The following XIRP2 variants were observed in gnomAD, a reference collection of about 807,000 sequenced individuals.
XIRP2 encodes xin actin-binding repeat-containing protein 2.
XIRP2 carries 236 observed loss-of-function variants against 277.0 expected under a neutral mutation model. The ratio of observed to expected loss-of-function variants is 0.85; its 90% CI spans 0.77 to 0.95. The LOEUF is 0.95. Ranked by LOEUF, XIRP2 falls within the 40% of genes least tolerant of loss-of-function variation. XIRP2 has a pLI of 0.00. For synonymous variants in XIRP2, 1,490 were observed against 1,416.5 expected, an observed-to-expected ratio of 1.05 and a Z score of -1.17; for missense variants, 4,640 against 4,157.5, an observed-to-expected ratio of 1.12 and a Z score of -3.19.
intron 4 of XIRP2, among the ~76,000 whole-genome samples, chr2:167,216,155 G>C (rs571241346): frequency 9.8e-4 from 108 of 109,756 alleles, no homozygotes; most frequent in Non-Finnish European, 1.7e-3. Context: ...AGATTTAAAC[G>C]TTAGACCTAA....
chr2:166,984,424 T>C (rs1686950392), intron 2 of XIRP2, among the ~76,000 whole-genome samples: 1 of 152,148 alleles, frequency 6.6e-6, no homozygotes, highest in South Asian at 2.1e-4. Context: ...AGTTAAAAAA[T>C]GAATTAAAGT....
intron 2 of XIRP2, among the ~76,000 whole-genome samples, chr2:167,106,417 T>A (rs1422825864): frequency 1.3e-5 from 2 of 151,796 alleles, no homozygotes; most frequent in African/African-American, 2.4e-5. Flanking sequence ...ACTGAAAAGG[T>A]TAAAAGTCGA....
chr2:167,007,703 TCACA>T (rs57336666), intron 2 of XIRP2, among the ~76,000 whole-genome samples: 33,141 of 129,176 alleles, frequency 0.26, 4,176 homozygotes, highest in African/African-American at 0.36. Context: ...TCTCTCTCTC[TCACA>T]CACACACACA....
intron 2 of XIRP2, among the ~76,000 whole-genome samples, chr2:166,943,616 A>C (rs1398746513): frequency 6.6e-6 from 1 of 152,258 alleles, no homozygotes; most frequent in Non-Finnish European, 1.5e-5. Context: ...ATGGGACTGA[A>C]GTCAGGGCAA....
At chr2:167,148,243 G>A (rs1691913010) in intron 3 of XIRP2, among the ~76,000 whole-genome samples, 2 of 151,678 alleles carry the variant, frequency 1.3e-5, no homozygotes, top group African/African-American at 4.8e-5. Context: ...TTTGCTGGGT[G>A]TGGTGGCATG....
In XIRP2 at chr2:167,248,479, T is replaced by C; in HGVS notation, c.7087T>C (p.Phe2363Leu). The C allele has an allele frequency of 1.2e-6, 2 of 1,613,600 alleles. No individual in the cohort carries two copies. Among genetic ancestry groups the C allele is most frequent in the Non-Finnish European group, 1.7e-6 (2 of 1,179,728 alleles). Residue 2363 changes from phenylalanine to leucine, a missense_variant, in exon 9 of 11, where the codon TTT becomes CTT. Transcript: ENST00000409195. The stretch of plus-strand genomic sequence containing the variant: ...ATCTGAAAGAGAAAGTTCATCGATG[T>C]TTCTGCCGCCTCCTCCTCCTCCAAC... ...EKSERESSSM[F>L]LPPPPPPTPS...
chr2:167,129,865 G>A (rs183722493), intron 2 of XIRP2, among the ~76,000 whole-genome samples: 1 of 123,786 alleles, frequency 8.1e-6, no homozygotes, highest in East Asian at 2.4e-4. Context: ...GAAAAACTCA[G>A]TCTCAAAAAA....
At chr2:166,972,847 G>A (rs1686616368) in intron 2 of XIRP2, among the ~76,000 whole-genome samples, 1 of 152,090 alleles carries the variant, frequency 6.6e-6, no homozygotes, top group Non-Finnish European at 1.5e-5. Flanking sequence ...TAAATGGGAA[G>A]GCTAAATCCA....
At chr2:167,015,845 C>T (rs1687812481) in intron 2 of XIRP2, among the ~76,000 whole-genome samples, 1 of 151,596 alleles carries the variant, frequency 6.6e-6, no homozygotes, top group Admixed American at 6.6e-5. Flanking sequence ...TGTATGTCCT[C>T]CCTAGGTAAT....
At chr2:166,936,752 G>A (rs1036167994) in intron 2 of XIRP2, among the ~76,000 whole-genome samples, 2 of 152,054 alleles carry the variant, frequency 1.3e-5, no homozygotes, top group Non-Finnish European at 2.9e-5. Flanking sequence ...TGAGGGCTCT[G>A]TTCTGTTCCA....
chr2:167,241,200 A>G (rs1483736475), intron 7 of XIRP2, among the ~76,000 whole-genome samples: 1 of 151,996 alleles, frequency 6.6e-6, no homozygotes, highest in African/African-American at 2.4e-5. Flanking sequence ...TGTCTTGTCT[A>G]TAAAAATGGA....
chr2:167,164,622 T>C (rs771656758), intron 3 of XIRP2, among the ~76,000 whole-genome samples: 10 of 152,140 alleles, frequency 6.6e-5, no homozygotes, highest in Non-Finnish European at 1.2e-4. Context: ...TGGCAATAAC[T>C]CAAATTTACT....
At chr2:167,182,975 G>C (rs78878196) in intron 3 of XIRP2, among the ~76,000 whole-genome samples, 8,189 of 152,178 alleles carry the variant, frequency 0.054, 360 homozygotes, top group African/African-American at 0.12. Flanking sequence ...ATAGAAAAGG[G>C]AGTGAATTCA....
rs60830905 is a variant in XIRP2, at chr2:167,057,084, G to T, written c.409-78825G>T. 4.7e-3 allele frequency among the ~76,000 whole-genome samples: 720 copies of T among 152,242 alleles called. 5 individuals carry two copies. Among genetic ancestry groups the T allele is most frequent in the African/African-American group, 0.017 (702 of 41,538 alleles). On this transcript the variant is annotated intron_variant, in intron 2 of 10. Coordinates refer to ENST00000409195, the MANE Select transcript of XIRP2 (RefSeq NM_152381.6). ...GAAAACTGTGGATAAAAAGTAAAGT[G>T]CATGGTCCAAGGATCACTAAATATT... is the stretch of plus-strand genomic sequence containing the variant.
At position 167,243,105 on chromosome 2, in the gene XIRP2, G is replaced by C; in HGVS notation, c.1713G>C (p.Lys571Asn). The change falls in exon 9 of 11, where the codon AAG (lysine) becomes AAC (asparagine). Residue 571 changes from lysine (K) to asparagine (N), a missense_variant. Transcript: ENST00000409195. ...REYLEWDEIL[K>N]GEVQSIRWIF... is the part of the protein sequence containing the mutation. ...ACTTGGAATGGGATGAAATTCTGAA[G>C]GGAGAGGTGCAGTCCATTAGATGGA... The C allele has an allele frequency of 1.9e-6, 3 of 1,614,102 alleles. No homozygotes were observed. The highest frequency in any genetic ancestry group is 4.5e-5 in the East Asian group (2 of 44,856).
intron 3 of XIRP2, among the ~76,000 whole-genome samples, chr2:167,169,098 G>A (rs1471458927): frequency 1.6e-4 from 25 of 152,144 alleles, no homozygotes; most frequent in Non-Finnish European, 4.4e-5. Flanking sequence ...ACCTTTAGTA[G>A]TATAGTGGTA....
intron 1 of XIRP2, among the ~76,000 whole-genome samples, chr2:166,900,270 C>T (rs931021861): frequency 2.0e-5 from 3 of 151,858 alleles, no homozygotes; most frequent in Non-Finnish European, 4.4e-5. Context: ...TTGCTAAGTC[C>T]ATTCAATGAG....
intron 5 of XIRP2, among the ~76,000 whole-genome samples, chr2:167,220,262 C>A (rs188492144): frequency 3.4e-4 from 52 of 152,160 alleles, no homozygotes; most frequent in Non-Finnish European, 5.3e-4. Context: ...AGCAAAGTGG[C>A]TAAGATCACA....
In XIRP2 at chr2:167,204,738, G is replaced by A. The variant is rs537285064; in HGVS notation, c.563-5997G>A. ...ATTAACATTTTTTTCTGGCCCATCA[G>A]TGTTCTTTATTGAAAACAAACACGC... On this transcript the variant is annotated intron_variant, in intron 3 of 10. Coordinates refer to ENST00000409195, the MANE Select transcript of XIRP2 (RefSeq NM_152381.6). 8.5e-5 allele frequency among the ~76,000 whole-genome samples: 13 copies of A among 152,118 alleles called. No homozygotes were observed. The South Asian group carries it at 2.1e-3, about 24-fold the overall frequency.
Sources: allele counts gnomAD v4.1 joint callset (sites outside exome capture counted in the v4.1 genomes callset), GRCh38; gene constraint gnomAD v4.1.1; transcripts MANE v1.5; gene names NCBI Gene and HGNC (gene_info 2026-07-23, HGNC 2026-07-21).